The following CDH4 variants were observed in gnomAD, a reference collection of about 807,000 sequenced individuals.
CDH4 encodes cadherin-4.
A neutral mutation model predicts 86.0 loss-of-function variants in CDH4; 33 were observed. The ratio of observed to expected loss-of-function variants is 0.38; its 90% CI spans 0.29 to 0.51. The LOEUF (loss-of-function observed/expected upper bound fraction) is 0.51. CDH4 is among the 20% of genes least tolerant of loss of function. The probability of loss-of-function intolerance (pLI) is 0.86; values close to 1 mark genes in which losing one functional copy is unlikely to be tolerated. For synonymous variants in CDH4, 555 were observed against 549.4 expected, an observed-to-expected ratio of 1.01 and a Z score of -0.14; for missense variants, 1,114 against 1,307.4, an observed-to-expected ratio of 0.85 and a Z score of 2.28.
At chr20:61,296,093 G>A (rs533963736) in intron 2 of CDH4, among the ~76,000 whole-genome samples, 5 of 152,256 alleles carry the variant, frequency 3.3e-5, no homozygotes, top group African/African-American at 7.2e-5. Flanking sequence ...GAAGGAGAGC[G>A]GCTTCTAGGC....
intron 2 of CDH4, among the ~76,000 whole-genome samples, chr20:61,422,790 G>C (rs2085187426): frequency 6.6e-6 from 1 of 152,182 alleles, no homozygotes; most frequent in Non-Finnish European, 1.5e-5. Flanking sequence ...AGCTTCCTGG[G>C]CATGTGGGTG....
chr20:61,686,530 T>G (rs1447574858), intron 2 of CDH4, among the ~76,000 whole-genome samples: 1 of 151,472 alleles, frequency 6.6e-6, no homozygotes, highest in Non-Finnish European at 1.5e-5. Context: ...CGTGTGTGCA[T>G]TTGTGTATGT....
intron 5 of CDH4, among the ~76,000 whole-genome samples, chr20:61,845,350 C>T (rs1275607889): frequency 2.6e-5 from 4 of 152,250 alleles, no homozygotes; most frequent in Admixed American, 6.5e-5. Context: ...CGCGCTGATT[C>T]CCTGTCAGGG....
intron 2 of CDH4, among the ~76,000 whole-genome samples, chr20:61,270,230 T>C (rs1394841043): frequency 2.0e-5 from 3 of 152,240 alleles, no homozygotes; most frequent in South Asian, 2.1e-4. Context: ...GTTGGTATGA[T>C]TGGATTACGC....
intron 2 of CDH4, among the ~76,000 whole-genome samples, chr20:61,617,206 T>C (rs2086732203): frequency 6.6e-6 from 1 of 152,170 alleles, no homozygotes; most frequent in Non-Finnish European, 1.5e-5. Context: ...TCTGAACCCA[T>C]ACTTCCCACG....
intron 2 of CDH4, among the ~76,000 whole-genome samples, chr20:61,460,024 AG>A (rs1333854002): frequency 6.6e-6 from 1 of 152,110 alleles, no homozygotes; most frequent in Non-Finnish European, 1.5e-5. Context: ...GGGTGTCTCG[AG>A]GCCCAAGCAG....
intron 2 of CDH4, among the ~76,000 whole-genome samples, chr20:61,531,248 G>T (rs1205926432): frequency 6.6e-6 from 1 of 152,140 alleles, no homozygotes; most frequent in Non-Finnish European, 1.5e-5. Flanking sequence ...GAGACAGGTG[G>T]ATCACCTGAG....
At chr20:61,273,199 A>G (rs2084194805) in intron 2 of CDH4, among the ~76,000 whole-genome samples, 1 of 105,772 alleles carries the variant, frequency 9.5e-6, no homozygotes, top group South Asian at 3.5e-4. Flanking sequence ...GGGGAGCACC[A>G]TGCGCAGTTT....
chr20:61,605,611 G>C (rs1177089832), intron 2 of CDH4, among the ~76,000 whole-genome samples: 2 of 147,826 alleles, frequency 1.4e-5, no homozygotes, highest in African/African-American at 5.0e-5. Context: ...CTCTGTTTCT[G>C]TCTCTCTCTC....
chr20:61,311,784 T>G (rs899364276), intron 2 of CDH4, among the ~76,000 whole-genome samples: 3 of 152,236 alleles, frequency 2.0e-5, no homozygotes, highest in Non-Finnish European at 4.4e-5. Context: ...ACTCAGTGAT[T>G]CAAGTTCTTG....
At chr20:61,686,488 T>C (rs745651121) in intron 2 of CDH4, among the ~76,000 whole-genome samples, 1 of 151,904 alleles carries the variant, frequency 6.6e-6, no homozygotes, top group Non-Finnish European at 1.5e-5. Context: ...TGCGTGTGTG[T>C]GCATTCGCGT....
At chr20:61,913,432 G>GAAGCGCCAGTGTCTTGGGAC (rs1568884144) in intron 9 of CDH4, among the ~76,000 whole-genome samples, 1 of 152,248 alleles carries the variant, frequency 6.6e-6, no homozygotes, top group East Asian at 1.9e-4. Flanking sequence ...CAACTTCAGG[G>GAAGCGCCAGTGTCTTGGGAC]AAGCGCCAGT....
At chr20:61,588,831 A>G (rs1168503823) in intron 2 of CDH4, among the ~76,000 whole-genome samples, 2 of 152,178 alleles carry the variant, frequency 1.3e-5, no homozygotes, top group Middle Eastern at 6.8e-3. Context: ...TTTCCAACTG[A>G]TGTATTTCAT....
At chr20:61,756,044 A>G (rs6061799) in intron 3 of CDH4, among the ~76,000 whole-genome samples, 5,431 of 152,326 alleles carry the variant, frequency 0.036, 323 homozygotes, top group African/African-American at 0.12. Flanking sequence ...ACTGCAGGGC[A>G]GGCTGCGCCA....
chr20:61,380,715 C>G (rs966006153), intron 2 of CDH4, among the ~76,000 whole-genome samples: 1 of 152,176 alleles, frequency 6.6e-6, no homozygotes, highest in African/African-American at 2.4e-5. Flanking sequence ...TTAAATGGCT[C>G]AATATGGCAG....
intron 2 of CDH4, among the ~76,000 whole-genome samples, chr20:61,696,520 G>T (rs114569071): frequency 0.016 from 2,489 of 152,318 alleles, 57 homozygotes; most frequent in African/African-American, 0.057. Context: ...GTACAGCAGA[G>T]CTCACTCCTC....
chr20:61,757,633 C>T (rs978268432), intron 3 of CDH4, among the ~76,000 whole-genome samples: 5 of 152,212 alleles, frequency 3.3e-5, no homozygotes, highest in African/African-American at 1.2e-4. Flanking sequence ...GACCTCAGTG[C>T]AGACACTGCC....
At chr20:61,751,751 C>T (rs2088499467) in intron 3 of CDH4, among the ~76,000 whole-genome samples, 1 of 152,204 alleles carries the variant, frequency 6.6e-6, no homozygotes, top group African/African-American at 2.4e-5. Flanking sequence ...AAATATTTAC[C>T]ATCTGGCCAT....
intron 7 of CDH4, among the ~76,000 whole-genome samples, chr20:61,891,684 G>A (rs574235120): frequency 3.2e-4 from 49 of 152,314 alleles, no homozygotes; most frequent in Middle Eastern, 3.4e-3. Context: ...ATGTAGGCTG[G>A]GCCTGGTCAC....
Sources: allele counts gnomAD v4.1 joint callset (sites outside exome capture counted in the v4.1 genomes callset), GRCh38; gene constraint gnomAD v4.1.1; transcripts MANE v1.5; gene names NCBI Gene and HGNC (gene_info 2026-07-23, HGNC 2026-07-21).